Variants in DCUN1D4 observed in about 807,000 individuals in gnomAD.
The protein encoded by DCUN1D4 is defective in cullin neddylation 1 domain containing 4.
A neutral mutation model predicts 47.9 loss-of-function variants in DCUN1D4; 22 were observed. The observed-to-expected ratio is 0.46, with a 90% CI of 0.33 to 0.66. The LOEUF is 0.66. Ranked by LOEUF, DCUN1D4 falls within the 30% of genes least tolerant of loss-of-function variation. DCUN1D4 has a pLI of 0.02. For synonymous variants in DCUN1D4, 121 were observed against 112.2 expected, an observed-to-expected ratio of 1.08 and a Z score of -0.50; for missense variants, 301 against 340.8, an observed-to-expected ratio of 0.88 and a Z score of 0.92.
chr4:51,838,039 T>C (rs1721541306), upstream of DCUN1D4, among the ~76,000 whole-genome samples: 1 of 152,068 alleles, frequency 6.6e-6, no homozygotes, highest in African/African-American at 2.4e-5. Context: ...TAGCCGGGCA[T>C]GGTGGCACAC....
intron 6 of DCUN1D4, 125 bp downstream of exon 6, chr4:51,886,763 G>C: frequency 1.3e-6 from 1 of 765,590 alleles, no homozygotes; most frequent in Non-Finnish European, 2.1e-6. Flanking sequence ...AGCAGTCTAA[G>C]AAATAAGTTC....
At chr4:51,898,654 T>G (rs1293380401) in intron 7 of DCUN1D4, among the ~76,000 whole-genome samples, 2 of 152,198 alleles carry the variant, frequency 1.3e-5, no homozygotes, top group Non-Finnish European at 2.9e-5. Context: ...ACACATCTTG[T>G]CAGAAGTGTT....
At chr4:51,835,958 A>T in the DCUN1D4 span, among the ~76,000 whole-genome samples, 1 of 152,116 alleles carries the variant, frequency 6.6e-6, no homozygotes. Flanking sequence ...CCCCCAAGCC[A>T]AGCCTTCCTC....
At chr4:51,900,410 T>C (rs759762101) in intron 8 of DCUN1D4, among the ~76,000 whole-genome samples, 11 of 152,176 alleles carry the variant, frequency 7.2e-5, no homozygotes, top group Non-Finnish European at 1.5e-4. Context: ...CAGTGTTTGA[T>C]AAAATGGCAT....
At chr4:51,898,601 T>C (rs1032494112) in intron 7 of DCUN1D4, among the ~76,000 whole-genome samples, 3 of 152,170 alleles carry the variant, frequency 2.0e-5, no homozygotes, top group East Asian at 3.9e-4. Context: ...ACCATAGGAA[T>C]CCACCAATAA....
At chr4:51,870,065 CT>C (rs772800172) in intron 3 of DCUN1D4, among the ~76,000 whole-genome samples, 4 of 152,144 alleles carry the variant, frequency 2.6e-5, no homozygotes, top group Non-Finnish European at 4.4e-5. Flanking sequence ...AAACGTCAGC[CT>C]TAATATCTTG....
rs1734047376 is a variant in DCUN1D4, at chr4:51,913,841, AT to A, written c.*259del. ...ACGTCCTCACTGTGATTATGTGTAT[AT>A]TGCTGTTTAAATTTTGTATATGTGT... is the stretch of plus-strand genomic sequence containing the variant. On this transcript the variant is annotated 3_prime_UTR_variant, in exon 11 of 11. Coordinates refer to ENST00000334635, the MANE Select transcript of DCUN1D4 (RefSeq NM_001040402.3). 5.2e-6 allele frequency: 2 copies of A among 387,724 alleles called. No individual in the cohort carries two copies. The highest frequency in any genetic ancestry group is 9.2e-6 in the Non-Finnish European group (2 of 217,902). 24.0% of individuals were successfully genotyped at this position (387,724 alleles called of 1,614,324 possible). A position where few individuals can be genotyped will look rare whatever the true frequency, so the allele number is the denominator to read the frequency against.
At chr4:51,834,077 TCTCTCTC>T in the DCUN1D4 span, among the ~76,000 whole-genome samples, 2,028 of 139,428 alleles carry the variant, frequency 0.015, 116 homozygotes, top group African/African-American at 0.045. Flanking sequence ...TCTCTCTCTC[TCTCTCTC>T]TCTTTTCTTT....
chr4:51,894,961 C>T (rs1228340478), intron 7 of DCUN1D4, among the ~76,000 whole-genome samples: 1 of 152,060 alleles, frequency 6.6e-6, no homozygotes, highest in African/African-American at 2.4e-5. Flanking sequence ...CTGGTGACAG[C>T]CTGCTTTTTG....
At chr4:51,886,801 T>G in intron 6 of DCUN1D4, 163 bp downstream of exon 6, 1 of 610,662 alleles carries the variant, frequency 1.6e-6, no homozygotes, top group South Asian at 2.1e-5. Flanking sequence ...ATAAGCAGAT[T>G]CTCCATTCTT....
chr4:51,846,261 C>G (rs1011967158), intron 1 of DCUN1D4, among the ~76,000 whole-genome samples: 1 of 152,122 alleles, frequency 6.6e-6, no homozygotes, highest in African/African-American at 2.4e-5. Flanking sequence ...GTGAACGTAG[C>G]TGTGCATTTA....
the DCUN1D4 span, among the ~76,000 whole-genome samples, chr4:51,833,898 T>C: frequency 6.6e-6 from 1 of 152,022 alleles, no homozygotes; most frequent in East Asian, 1.9e-4. Flanking sequence ...GAAGGCTTAA[T>C]GGAGGTGAGC....
chr4:51,896,845 A>G (rs1311623373), intron 7 of DCUN1D4, among the ~76,000 whole-genome samples: 1 of 152,156 alleles, frequency 6.6e-6, no homozygotes, highest in Non-Finnish European at 1.5e-5. Flanking sequence ...TCATAGTGGC[A>G]GGTGGCCTCC....
At chr4:51,906,761 C>A (rs1446234204) in intron 8 of DCUN1D4, among the ~76,000 whole-genome samples, 2 of 152,204 alleles carry the variant, frequency 1.3e-5, no homozygotes, top group Non-Finnish European at 2.9e-5. Context: ...ATTTGCTCAG[C>A]AGTTACTGAT....
intron 7 of DCUN1D4, among the ~76,000 whole-genome samples, chr4:51,895,877 CAT>C (rs905724652): frequency 2.6e-4 from 40 of 152,228 alleles, no homozygotes; most frequent in African/African-American, 4.1e-4. Flanking sequence ...TACACAGAAA[CAT>C]GTGGGAAGAC....
At chr4:51,907,617 C>G (rs964656689) in intron 8 of DCUN1D4, among the ~76,000 whole-genome samples, 2 of 152,148 alleles carry the variant, frequency 1.3e-5, no homozygotes, top group Non-Finnish European at 2.9e-5. Context: ...TCCAGCTAGT[C>G]TCTCTTGAAA....
chr4:51,843,081 G>GC (rs1238227941), upstream of DCUN1D4: 4 of 1,408,026 alleles, frequency 2.8e-6, no homozygotes, highest in African/African-American at 6.0e-5. Flanking sequence ...CAGCAGGGCG[G>GC]CCCCTGAGCC....
chr4:51,903,686 A>C (rs973047423), intron 8 of DCUN1D4, among the ~76,000 whole-genome samples: 4 of 151,662 alleles, frequency 2.6e-5, no homozygotes, highest in Non-Finnish European at 5.9e-5. Context: ...TTATTTTTTC[A>C]GTTTTTTCTG....
At position 51,913,293 on chromosome 4, in the gene DCUN1D4, T is replaced by A. The variant is rs1489248570; in HGVS notation, c.724T>A (p.Ser242Thr). The change falls in exon 10 of 11, where the codon TCA (serine) becomes ACA (threonine). Residue 242 changes from serine to threonine, a missense_variant. Ser to Thr is a moderately conservative substitution (Grantham distance 58, BLOSUM62 1). Around this residue, in one of 2 missense-constraint regions of DCUN1D4, gnomAD observed 170 missense variants for 234.5 expected, o/e 0.73. Coordinates refer to ENST00000334635, the MANE Select transcript of DCUN1D4 (RefSeq NM_001040402.3). ...FPVFHQFLEQ[S>T]KYKVINKDQW... ...ATATTACTTTTCCCTCCATCAGCAA[T>A]CAAAATACAAAGTTATTAATAAAGA... 2 of 1,600,622 alleles carry A rather than the reference T, an allele frequency of 1.2e-6. No homozygotes were observed. Among genetic ancestry groups the A allele is most frequent in the South Asian group, 2.2e-5 (2 of 89,408 alleles).
Sources: gnomAD v4.1 joint callset for allele counts (sites outside exome capture counted in the v4.1 genomes callset) on GRCh38, gnomAD v4.1.1 for gene constraint, gnomAD v4.1.1 regional missense constraint, MANE v1.5 for transcripts, NCBI Gene and HGNC (gene_info 2026-07-23, HGNC 2026-07-21) for gene names.